Variants in TMEM161A observed in about 807,000 individuals in gnomAD.
TMEM161A encodes transmembrane protein 161A, also known as adaptive response to oxidative stress protein 29.
In TMEM161A, 46 loss-of-function variants were observed where a neutral mutation model predicts 57.1. That is an observed-to-expected ratio of 0.81 (90% CI 0.64 to 1.03). The LOEUF (loss-of-function observed/expected upper bound fraction) is 1.03. Among genes scored for constraint, TMEM161A ranks in the 50% least tolerant of loss-of-function variants. The pLI, the probability that TMEM161A is intolerant of heterozygous loss-of-function variation, is 0.00. For missense variants in TMEM161A, 601 were observed against 621.5 expected (o/e 0.97, Z 0.35); for synonymous variants, 288 against 279.0 (o/e 1.03, Z -0.32).
chr19:19,120,734 C>T (rs1443221513), intron 11 of TMEM161A, 31 bp downstream of exon 11: 6 of 1,603,582 alleles, frequency 3.7e-6, no homozygotes, highest in Non-Finnish European at 5.1e-6. Context: ...CAACTCCGCC[C>T]CTCCTCCACC....
chr19:19,121,423 TG>T lies in TMEM161A; in HGVS notation c.801-3del. The stretch of plus-strand genomic sequence containing the variant: ...AGGAAGCTGGTGTGCAGGAGGAACC[TG>T]GGGGGTGAGGGCAGGAGGGAGTGAG... On this transcript the variant is annotated splice_polypyrimidine_tract_variant and splice_region_variant and intron_variant, in intron 8 of 11. Coordinates refer to ENST00000162044, the MANE Select transcript of TMEM161A (RefSeq NM_017814.3). The surrounding 1 kb of genome is among the most constrained non-coding windows in gnomAD (Gnocchi z 5.8). The T allele has an allele frequency of 6.2e-7, 1 of 1,613,828 alleles. No homozygotes were observed. The highest frequency in any genetic ancestry group is 1.1e-5 in the South Asian group (1 of 91,064).
At chr19:19,124,182 T>A (rs2146328663) in intron 6 of TMEM161A, among the ~76,000 whole-genome samples, 1 of 152,292 alleles carries the variant, frequency 6.6e-6, no homozygotes, top group African/African-American at 2.4e-5. Flanking sequence ...GTGAATAGGC[T>A]GCAAAATATA....
chr19:19,130,251 C>A lies in TMEM161A; in HGVS notation c.500G>T (p.Arg167Leu), dbSNP rs773542916. 1.9e-6 allele frequency: 3 copies of A among 1,613,870 alleles called. No individual in the cohort carries two copies. The highest frequency in any genetic ancestry group is 1.7e-6 in the Non-Finnish European group (2 of 1,180,008). Residue 167 changes from arginine (R) to leucine (L), a missense_variant, in exon 6 of 12, where the codon CGC (arginine) becomes CTC (leucine). Transcript: ENST00000162044. ...LYFSAEEGGERSVCLTFAFLF... is the reference protein window; with the variant it reads ...LYFSAEEGGELSVCLTFAFLF... ...GAAGGCAAAGGTGAGGCAGACAGAGCGCTCACCCCCCTCCTCGGCGCTGAA... is the reference window on the plus strand; with the variant it reads ...GAAGGCAAAGGTGAGGCAGACAGAGAGCTCACCCCCCTCCTCGGCGCTGAA...
At chr19:19,135,346 G>C (rs901024471) in intron 1 of TMEM161A, among the ~76,000 whole-genome samples, 6 of 152,006 alleles carry the variant, frequency 3.9e-5, no homozygotes, top group African/African-American at 1.4e-4. Flanking sequence ...GAGCCACTGC[G>C]TCTCGGTTGA....
intron 6 of TMEM161A, among the ~76,000 whole-genome samples, chr19:19,125,805 C>T (rs550264477): frequency 7.9e-5 from 12 of 151,964 alleles, no homozygotes; most frequent in Middle Eastern, 3.4e-3. Flanking sequence ...CATGAGCCAC[C>T]ACCCCTGGCC....
chr19:19,134,633 GT>G, intron 2 of TMEM161A, 150 bp downstream of exon 2: 1 of 611,644 alleles, frequency 1.6e-6, no homozygotes, highest in Non-Finnish European at 2.9e-6. Flanking sequence ...AATATATGCA[GT>G]TTGTTGTACT....
chr19:19,119,714 T>C lies in TMEM161A; in HGVS notation c.*216A>G, dbSNP rs953485586. The C allele has an allele frequency of 6.6e-6, 4 of 605,640 alleles. No individual in the cohort carries two copies. The highest frequency in any genetic ancestry group is 8.6e-6 in the Non-Finnish European group (3 of 347,042). 37.5% of individuals were successfully genotyped at this position (605,640 alleles called of 1,614,324 possible). A position where few individuals can be genotyped will look rare whatever the true frequency, so the allele number is the denominator to read the frequency against. The stretch of plus-strand genomic sequence containing the variant: ...CACATACGCTTCGGAGACAATGGCC[T>C]CGGGACCCTCATGCTGCTGGGCCCA... On this transcript the variant is annotated 3_prime_UTR_variant, in exon 12 of 12. Transcript: ENST00000162044.
chr19:19,132,539 C>T lies in TMEM161A; in HGVS notation c.287-31G>A. On this transcript the variant is annotated intron_variant, in intron 4 of 11. Transcript: ENST00000162044. The surrounding 1 kb of genome is among the most constrained non-coding windows in gnomAD (Gnocchi z 4.3). ...GGGGGCACTCTGCTCAGCCCTGGGG[C>T]CCAGCTCGCTCCCCTCCTAATAGAA... The T allele has an allele frequency of 2.5e-6, 4 of 1,604,930 alleles. No homozygotes were observed. Among genetic ancestry groups the T allele is most frequent in the Non-Finnish European group, 3.4e-6 (4 of 1,175,190 alleles).
At chr19:19,134,524 C>T (rs910855316) in intron 2 of TMEM161A, among the ~76,000 whole-genome samples, 7 of 152,118 alleles carry the variant, frequency 4.6e-5, no homozygotes, top group Non-Finnish European at 8.8e-5. Context: ...GTCACTTGAG[C>T]CCAGGAGGTT....
intron 1 of TMEM161A, among the ~76,000 whole-genome samples, chr19:19,137,109 G>C (rs1326604922): frequency 6.6e-6 from 1 of 152,112 alleles, no homozygotes; most frequent in Non-Finnish European, 1.5e-5. Flanking sequence ...GCTCTCCTGG[G>C]AGACCCTAGC....
chr19:19,130,064 T>C (rs2059950240), intron 6 of TMEM161A, 92 bp downstream of exon 6: 1 of 1,475,172 alleles, frequency 6.8e-7, no homozygotes. Flanking sequence ...CTTTGCCTAC[T>C]CGTGCTGGAC....
intron 6 of TMEM161A, among the ~76,000 whole-genome samples, chr19:19,127,898 C>T (rs2059938887): frequency 6.6e-6 from 1 of 152,114 alleles, no homozygotes; most frequent in African/African-American, 2.4e-5. Context: ...TGTGATTGCA[C>T]CACTGCACTC....
intron 6 of TMEM161A, 127 bp downstream of exon 6, chr19:19,130,024 GGGGAC>G: frequency 1.0e-6 from 1 of 988,364 alleles, no homozygotes; most frequent in Non-Finnish European, 1.5e-6. Flanking sequence ...GGTCACTAAT[GGGGAC>G]TGCCTTCACC....
intron 2 of TMEM161A, 111 bp downstream of exon 2, chr19:19,134,673 C>G: frequency 2.7e-6 from 2 of 736,004 alleles, no homozygotes; most frequent in South Asian, 1.7e-5. Flanking sequence ...CGTTTTTCCC[C>G]CCACCACCCA....
In TMEM161A at chr19:19,120,087, T is replaced by G; in HGVS notation, c.1283A>C (p.Gln428Pro). The change falls in exon 12 of 12, where the codon CAG (glutamine) becomes CCG (proline). Residue 428 changes from glutamine (Q) to proline (P), a missense_variant. Physicochemically the swap from Gln to Pro is moderately conservative, Grantham distance 76. Transcript: ENST00000162044. Reference sequence around the variant, plus strand: ...CCCGGCAATCCGCGCTGCAGTCTGCTGGACTTCGTCCTCCCCAGAGCCGAT... The same window carrying G: ...CCCGGCAATCCGCGCTGCAGTCTGCGGGACTTCGTCCTCCCCAGAGCCGAT... ...APIGSGEDEV[Q>P]QTAARIAGAL... 1 of 1,585,484 alleles carries G rather than the reference T, an allele frequency of 6.3e-7. No homozygotes were observed. Among genetic ancestry groups the G allele is most frequent in the Non-Finnish European group, 8.6e-7 (1 of 1,166,406 alleles).
At chr19:19,133,479 A>C in intron 2 of TMEM161A, 3 of 405,132 alleles carry the variant, frequency 7.4e-6, no homozygotes, top group Non-Finnish European at 1.3e-5. Context: ...TTTCTTTTTC[A>C]TTTTCTTTTT....
Position 19,132,862 on chromosome 19 carries a change from C to G in TMEM161A, c.189-108G>C. 1.1e-6 allele frequency: 1 copy of G among 944,334 alleles called. No homozygotes were observed. Among genetic ancestry groups the G allele is most frequent in the Non-Finnish European group, 1.6e-6 (1 of 640,400 alleles). The allele number at this position is 944,334 out of a possible 1,614,324, so 58.5% of individuals were successfully genotyped here. On this transcript the variant is annotated intron_variant, in intron 3 of 11. Coordinates refer to ENST00000162044, the MANE Select transcript of TMEM161A (RefSeq NM_017814.3). The surrounding 1 kb of genome is among the most constrained non-coding windows in gnomAD (Gnocchi z 4.3). ...CCTGGAGACCATCTCTTTCCACAAC[C>G]TTGGCTCCTCTGCACACTGGGATAT...
intron 3 of TMEM161A, 109 bp downstream of exon 3, chr19:19,133,021 G>A: frequency 1.0e-6 from 1 of 1,003,976 alleles, no homozygotes; most frequent in Non-Finnish European, 1.5e-6. Context: ...TGGAAGTATG[G>A]GTGGGCCGGT....
Position 19,119,293 on chromosome 19 carries a change from A to G in TMEM161A, c.*637T>C, listed in dbSNP as rs2059895880. 1 of 152,190 alleles carries G rather than the reference A, an allele frequency of 6.6e-6. No homozygotes were observed. Among genetic ancestry groups the G allele is most frequent in the South Asian group, 2.1e-4 (1 of 4,834 alleles). 9.4% of individuals were successfully genotyped at this position (152,190 alleles called of 1,614,324 possible). On this transcript the variant is annotated 3_prime_UTR_variant, in exon 12 of 12. Coordinates refer to ENST00000162044, the MANE Select transcript of TMEM161A (RefSeq NM_017814.3). ...CTTCTCAGTAGCTGGAACTACATGC[A>G]TGCGCCACCATGCCTAATTTTTGTT...
Sources: allele counts gnomAD v4.1 joint callset (sites outside exome capture counted in the v4.1 genomes callset), GRCh38; gene constraint gnomAD v4.1.1; non-coding constraint Gnocchi (gnomAD v3.1); transcripts MANE v1.5; gene names NCBI Gene and HGNC (gene_info 2026-07-23, HGNC 2026-07-21).